The following PTOV1 variants were observed in gnomAD, a reference collection of about 807,000 sequenced individuals.
The protein encoded by PTOV1 is PTOV1 extended AT-hook containing adaptor protein.
A neutral mutation model predicts 58.0 loss-of-function variants in PTOV1; 20 were observed. That is an observed-to-expected ratio of 0.34 (90% confidence interval 0.24 to 0.50). The LOEUF (loss-of-function observed/expected upper bound fraction) is 0.50, where lower values mean the gene tolerates loss of function less well. Among genes scored for constraint, PTOV1 ranks in the 20% least tolerant of loss-of-function variants. PTOV1 has a pLI of 0.98. For missense variants in PTOV1, 593 were observed against 565.4 expected, an observed-to-expected ratio of 1.05 and a Z score of -0.50; for synonymous variants, 335 against 234.2, an observed-to-expected ratio of 1.43 and a Z score of -3.93.
upstream of PTOV1, chr19:49,850,920 C>G (rs923583927): frequency 3.9e-6 from 6 of 1,535,920 alleles, no homozygotes; most frequent in Non-Finnish European, 4.4e-6. Flanking sequence ...AAGGGGCCAG[C>G]TTGGTGTCGC....
exon 12 of PTOV1, chr19:49,860,378 A>AT: frequency 2.2e-6 from 1 of 447,032 alleles, no homozygotes. Context: ...ACCCTGGGGC[A>AT]TGTGGGGGGG....
exon 12 of PTOV1, chr19:49,860,696 G>A (rs535780628): frequency 1.2e-4 from 42 of 355,110 alleles, no homozygotes; most frequent in East Asian, 7.4e-4. Context: ...CTCCAAGGAC[G>A]GTCCCCACCC....
exon 6 of PTOV1, chr19:49,857,070 C>T (rs761835110): frequency 1.3e-5 from 21 of 1,614,132 alleles, no homozygotes; most frequent in South Asian, 7.7e-5. Context: ...TGGGCCTCAT[C>T]CCCTACGACC....
Position 49,860,202 on chromosome 19 carries a change from A to G in PTOV1, c.1239+19A>G, listed in dbSNP as rs763869104. The G allele has an allele frequency of 3.1e-6, 5 of 1,613,956 alleles. No homozygotes were observed. Among genetic ancestry groups the G allele is most frequent in the Non-Finnish European group, 4.2e-6 (5 of 1,179,926 alleles). ...ACGAGGGGTGAGGTGGCCGGCCTCC[A>G]GGGCTGCTCAGTCTCCCTCCACCCC... On this transcript the variant is annotated intron_variant, in intron 11 of 11. Transcript: ENST00000391842.
intron 6 of PTOV1, 126 bp from the exon 7 acceptor site, chr19:49,857,567 C>A: frequency 1.2e-6 from 1 of 865,264 alleles, no homozygotes; most frequent in Non-Finnish European, 1.9e-6. Flanking sequence ...TCCCCTGGGA[C>A]TAGAGAATGG....
At chr19:49,855,491 C>G (rs1395034890) in intron 5 of PTOV1, 1 of 240,116 alleles carries the variant, frequency 4.2e-6, no homozygotes, top group Non-Finnish European at 8.4e-6. Flanking sequence ...AATGGGCTAA[C>G]CTCCCCGAGT....
At chr19:49,851,096 G>A (rs1428153221), upstream of PTOV1, 5 of 1,414,310 alleles carry the variant, frequency 3.5e-6, no homozygotes, top group Non-Finnish European at 2.8e-6. Flanking sequence ...GCGCCGCCTT[G>A]GTACGCTCCG....
At chr19:49,857,472 C>T in intron 6 of PTOV1, 1 of 619,330 alleles carries the variant, frequency 1.6e-6, no homozygotes, top group Non-Finnish European at 2.9e-6. Context: ...CTCTGCAGGT[C>T]CTGTGCACCA....
At chr19:49,856,835 C>T (rs916417698) in intron 5 of PTOV1, 140 bp from the exon 6 acceptor site, 3 of 1,026,694 alleles carry the variant, frequency 2.9e-6, no homozygotes, top group Admixed American at 2.6e-5. Flanking sequence ...GGCCCCTCAC[C>T]TATGGCCATG....
rs1250082435 is a variant in PTOV1 at position 49,857,802 on chromosome 19, G to C, written c.804+20G>C. ...CAGGAGGTGAGCACTCGGCAGCCCAGGGACTTGGGACCCCCAGATCCTCAC... is the reference window on the plus strand; with the variant it reads ...CAGGAGGTGAGCACTCGGCAGCCCACGGACTTGGGACCCCCAGATCCTCAC... On this transcript the variant is annotated intron_variant, in intron 7 of 11. Transcript: ENST00000391842. The C allele has an allele frequency of 6.2e-7, 1 of 1,613,774 alleles. No homozygotes were observed. Among genetic ancestry groups the C allele is most frequent in the Non-Finnish European group, 8.5e-7 (1 of 1,179,744 alleles).
intron 1 of PTOV1, chr19:49,852,126 C>A: frequency 1.0e-6 from 1 of 966,002 alleles, no homozygotes; most frequent in Non-Finnish European, 1.2e-6. Context: ...TTTCAGAAAC[C>A]GTAAGGTTTA....
At chr19:49,860,505 T>C in exon 12 of PTOV1, 3 of 667,014 alleles carry the variant, frequency 4.5e-6, no homozygotes, top group South Asian at 2.0e-5. Context: ...CTCAGGGCCA[T>C]GGGAGGTGGT....
exon 12 of PTOV1, chr19:49,860,325 CCG>C: frequency 2.5e-6 from 4 of 1,605,436 alleles, no homozygotes; most frequent in Non-Finnish European, 3.4e-6. Flanking sequence ...GATGAGGCCC[CCG>C]CAGAGACTGG....
rs549633692 is a variant in PTOV1, at chr19:49,855,499, A to C, written c.558+422A>C. 13 of 237,314 alleles carry C rather than the reference A, an allele frequency of 5.5e-5. No individual in the cohort carries two copies. The South Asian group carries it at 6.7e-4, about 12-fold the overall frequency. 14.7% of individuals were successfully genotyped at this position (237,314 alleles called of 1,614,324 possible). On this transcript the variant is annotated intron_variant, in intron 5 of 11. Transcript: ENST00000391842. Reference sequence around the variant, plus strand: ...TCTGTAAAATGGGCTAACCTCCCCGAGTGGCCTGAGCTGGCCGTGAGGGAG... The same window carrying C: ...TCTGTAAAATGGGCTAACCTCCCCGCGTGGCCTGAGCTGGCCGTGAGGGAG...
chr19:49,860,257 T>G lies in PTOV1; in HGVS notation c.1240-11T>G. The G allele has an allele frequency of 1.2e-6, 2 of 1,613,656 alleles. No individual in the cohort carries two copies. Among genetic ancestry groups the G allele is most frequent in the Non-Finnish European group, 1.7e-6 (2 of 1,179,798 alleles). Reference sequence around the variant, plus strand: ...GCCTGCTCACCACTGGCCTCTGATTTCTCGCCGTAGATGGGGGGGTAGTGG... The same window carrying G: ...GCCTGCTCACCACTGGCCTCTGATTGCTCGCCGTAGATGGGGGGGTAGTGG... On this transcript the variant is annotated splice_polypyrimidine_tract_variant and intron_variant, in intron 11 of 11. Coordinates refer to ENST00000391842, the Ensembl canonical transcript of PTOV1.
intron 5 of PTOV1, among the ~76,000 whole-genome samples, chr19:49,855,861 C>A (rs2074439498): frequency 6.6e-6 from 1 of 152,014 alleles, no homozygotes; most frequent in African/African-American, 2.4e-5. Flanking sequence ...GCTGGTGAGG[C>A]TGTTCAGGTG....
chr19:49,851,657 C>T (rs1030503871), intron 1 of PTOV1, 158 bp downstream of exon 1: 2 of 1,012,334 alleles, frequency 2.0e-6, no homozygotes, highest in Non-Finnish European at 2.4e-6. Context: ...GTGGAGCACC[C>T]GGTGGTTCGC....
Position 49,854,894 on chromosome 19 carries a change from A to ACCCCCCCCCCCCCCCCCCC in PTOV1, c.450+9_450+10insCCCCCCCCCCCCCCCCCCC. On this transcript the variant is annotated splice_region_variant and intron_variant, in intron 4 of 11. Coordinates refer to ENST00000391842, the Ensembl canonical transcript of PTOV1. ...TGATCCCTCAGCAGCTGCTGGTGAG[A>ACCCCCCCCCCCCCCCCCCC]CCCGCCCCTCCCACCCCATCCACTC... The ACCCCCCCCCCCCCCCCCCC allele has an allele frequency of 1.9e-6, 3 of 1,559,998 alleles. No homozygotes were observed. The highest frequency in any genetic ancestry group is 1.8e-6 in the Non-Finnish European group (2 of 1,138,088).
chr19:49,857,264 G>T, intron 6 of PTOV1, 134 bp downstream of exon 6: 1 of 1,293,170 alleles, frequency 7.7e-7, no homozygotes, highest in Non-Finnish European at 1.1e-6. Context: ...GAGCCCGGAG[G>T]ATGCCGGGCG....
Sources: allele counts gnomAD v4.1 joint callset (sites outside exome capture counted in the v4.1 genomes callset), GRCh38; gene constraint gnomAD v4.1.1; transcripts MANE v1.5; gene names NCBI Gene and HGNC (gene_info 2026-07-23, HGNC 2026-07-21).